The following KHDRBS1 variants were observed in gnomAD, a reference collection of about 807,000 sequenced individuals.
KHDRBS1 encodes the protein KH domain-containing, RNA-binding, signal transduction-associated protein 1.
Under a neutral mutation model 48.4 loss-of-function variants are expected in KHDRBS1, and 7 were observed. That is an observed-to-expected ratio of 0.14 (90% CI 0.08 to 0.27). KHDRBS1 has a LOEUF of 0.27. KHDRBS1 is among the 10% of genes least tolerant of loss of function. KHDRBS1 has a pLI of 1.00. For synonymous variants in KHDRBS1, 241 were observed against 235.8 expected (o/e 1.02, Z -0.20); for missense variants, 458 against 601.2 (o/e 0.76, Z 2.49).
downstream of KHDRBS1, chr1:32,045,229 C>T (rs1356571114): frequency 2.0e-5 from 3 of 152,592 alleles, no homozygotes; most frequent in African/African-American, 7.2e-5. Context: ...GCATGTTTCT[C>T]CTGTAATGTG....
intron 10 of KHDRBS1, chr1:32,052,812 C>T (rs1206680637): frequency 2.6e-5 from 4 of 152,102 alleles, no homozygotes; most frequent in African/African-American, 9.7e-5. Context: ...ATGTAGTTTT[C>T]TCCACCAGTG....
chr1:32,047,596 T>C (rs1639372216), downstream of KHDRBS1, among the ~76,000 whole-genome samples: 1 of 152,182 alleles, frequency 6.6e-6, no homozygotes, highest in African/African-American at 2.4e-5. Flanking sequence ...TATCATCAAA[T>C]GAAGTTGATG....
downstream of KHDRBS1, among the ~76,000 whole-genome samples, chr1:32,046,199 G>T (rs545190882): frequency 2.2e-3 from 318 of 146,372 alleles, no homozygotes; most frequent in African/African-American, 6.9e-3. Context: ...TTTTTTTTTT[G>T]GTTTTTTTGG....
chr1:32,049,203 G>A (rs1027288908), intron 10 of KHDRBS1, among the ~76,000 whole-genome samples: 2 of 151,824 alleles, frequency 1.3e-5, no homozygotes, highest in Non-Finnish European at 1.5e-5. Context: ...TTATAGGCAC[G>A]CGCCTCCATG....
intron 5 of KHDRBS1, among the ~76,000 whole-genome samples, chr1:32,037,347 G>C (rs1195389505): frequency 6.6e-6 from 1 of 151,918 alleles, no homozygotes; most frequent in African/African-American, 2.4e-5. Context: ...AGGAGGCTGG[G>C]GCAAGAGAAT....
At chr1:32,049,107 T>C (rs2124397279) in intron 10 of KHDRBS1, among the ~76,000 whole-genome samples, 1 of 151,654 alleles carries the variant, frequency 6.6e-6, no homozygotes, top group South Asian at 2.1e-4. Context: ...CAGGTTGGAG[T>C]GCAGTGGTGC....
At chr1:32,042,031 T>C (rs1639291390) in intron 8 of KHDRBS1, among the ~76,000 whole-genome samples, 1 of 152,200 alleles carries the variant, frequency 6.6e-6, no homozygotes, top group South Asian at 2.1e-4. Flanking sequence ...AGGACACTTC[T>C]CCGTAAGGAA....
chr1:32,051,359 T>G (rs560923457), intron 10 of KHDRBS1, among the ~76,000 whole-genome samples: 1 of 152,248 alleles, frequency 6.6e-6, no homozygotes, highest in Non-Finnish European at 1.5e-5. Flanking sequence ...ACTTAAAAGT[T>G]ATTGATACAA....
chr1:32,036,267 G>A (rs972371481), intron 4 of KHDRBS1, among the ~76,000 whole-genome samples: 4 of 146,162 alleles, frequency 2.7e-5, no homozygotes, highest in African/African-American at 1.0e-4. Flanking sequence ...CGCCTCCCGG[G>A]TTCTCGCCAT....
At chr1:32,045,213 A>G (rs1639343896), downstream of KHDRBS1, 1 of 152,636 alleles carries the variant, frequency 6.6e-6, no homozygotes, top group African/African-American at 2.4e-5. Flanking sequence ...AAATTTCTTA[A>G]AAGTTGCATG....
At chr1:32,015,312 C>T (rs1457432232) in intron 1 of KHDRBS1, among the ~76,000 whole-genome samples, 6 of 152,148 alleles carry the variant, frequency 3.9e-5, no homozygotes, top group Admixed American at 3.9e-4. Context: ...TTCCCTAAAG[C>T]TGTCTGACTT....
In KHDRBS1 at chr1:32,043,212, A is replaced by C. The variant is rs1255652154; in HGVS notation, c.*588A>C. ...TAAAAGCACATGGCGGTTGAATCTTAAGGTTAAATTTTAATATGAAAGATC... is the reference window on the plus strand; with the variant it reads ...TAAAAGCACATGGCGGTTGAATCTTCAGGTTAAATTTTAATATGAAAGATC... On this transcript the variant is annotated 3_prime_UTR_variant, in exon 9 of 9. Transcript: ENST00000327300. 6.6e-6 allele frequency: 1 copy of C among 152,604 alleles called. No homozygotes were observed. The highest frequency in any genetic ancestry group is 1.5e-5 in the Non-Finnish European group (1 of 68,028). The allele number at this position is 152,604 out of a possible 1,614,324, so 9.5% of individuals were successfully genotyped here.
At chr1:32,024,175 C>T (rs1258639674) in intron 1 of KHDRBS1, among the ~76,000 whole-genome samples, 3 of 152,048 alleles carry the variant, frequency 2.0e-5, no homozygotes, top group Non-Finnish European at 4.4e-5. Context: ...ATTGCTTGAA[C>T]CTGGGAGGCA....
At chr1:32,034,352 C>T (rs1639135111) in intron 4 of KHDRBS1, among the ~76,000 whole-genome samples, 1 of 151,742 alleles carries the variant, frequency 6.6e-6, no homozygotes, top group Non-Finnish European at 1.5e-5. Context: ...CACCTGAGGT[C>T]GGGAGTTCGA....
At chr1:32,044,979 G>T (rs1317846394), downstream of KHDRBS1, among the ~76,000 whole-genome samples, 4 of 152,250 alleles carry the variant, frequency 2.6e-5, no homozygotes, top group South Asian at 6.2e-4. Flanking sequence ...ATATGTTGCC[G>T]CATAAATTAG....
At chr1:32,041,880 A>C (rs1639288784) in intron 8 of KHDRBS1, among the ~76,000 whole-genome samples, 1 of 152,092 alleles carries the variant, frequency 6.6e-6, no homozygotes, top group South Asian at 2.1e-4. Flanking sequence ...GAGCCACCGC[A>C]TGCAGCCTTG....
intron 2 of KHDRBS1, among the ~76,000 whole-genome samples, chr1:32,031,170 C>T (rs1416280753): frequency 6.6e-6 from 1 of 152,148 alleles, no homozygotes; most frequent in Non-Finnish European, 1.5e-5. Flanking sequence ...TCACTTGAGT[C>T]CAGAAAGTTG....
intron 10 of KHDRBS1, chr1:32,054,441 G>A (rs900106023): frequency 1.3e-5 from 2 of 152,146 alleles, no homozygotes; most frequent in African/African-American, 4.8e-5. Context: ...TGGTACTTGA[G>A]TCGTTTGAGG....
Position 32,014,314 on chromosome 1 carries a change from C to A in KHDRBS1, c.319C>A (p.Leu107Ile). ...GCCAGAGAACAAGTACCTGCCCGAA[C>A]TCATGGCCGAGAAGGACTCGCTCGA... The part of the protein sequence containing the change: ...MEPENKYLPE[L>I]MAEKDSLDPS... Residue 107 changes from leucine (L) to isoleucine (I), a missense_variant, in exon 1 of 9, where the codon CTC becomes ATC. Coordinates refer to ENST00000327300, the MANE Select transcript of KHDRBS1 (RefSeq NM_006559.3). 6.4e-7 allele frequency: 1 copy of A among 1,558,332 alleles called. No homozygotes were observed. Among genetic ancestry groups the A allele is most frequent in the Non-Finnish European group, 8.7e-7 (1 of 1,151,880 alleles).
Sources: gnomAD v4.1 joint callset for allele counts (sites outside exome capture counted in the v4.1 genomes callset) on GRCh38, gnomAD v4.1.1 for gene constraint, MANE v1.5 for transcripts, NCBI Gene and HGNC (gene_info 2026-07-23, HGNC 2026-07-21) for gene names.